Variants in GABRG2 observed in about 807,000 individuals in gnomAD.
GABRG2 encodes the protein gamma-aminobutyric acid receptor subunit gamma-2.
A neutral mutation model predicts 56.4 loss-of-function variants in GABRG2; 16 were observed. That is an observed-to-expected ratio of 0.28 (90% CI 0.19 to 0.43). The LOEUF (loss-of-function observed/expected upper bound fraction) is 0.43. Among genes scored for constraint, GABRG2 ranks in the 20% least tolerant of loss-of-function variants. The pLI is 1.00. For synonymous variants in GABRG2, 208 were observed against 205.5 expected (o/e 1.01, Z -0.10); for missense variants, 327 against 582.7 (o/e 0.56, Z 4.52).
chr5:162,080,093 C>T (rs1224933870), intron 1 of GABRG2, among the ~76,000 whole-genome samples: 2 of 152,112 alleles, frequency 1.3e-5, no homozygotes, highest in Non-Finnish European at 2.9e-5. Flanking sequence ...TGGACAAATT[C>T]CTTCCCGCCT....
intron 6 of GABRG2, among the ~76,000 whole-genome samples, chr5:162,137,093 C>A (rs552235123): frequency 1.3e-5 from 2 of 152,040 alleles, no homozygotes; most frequent in African/African-American, 4.8e-5. Flanking sequence ...TAGAAGTTTG[C>A]AACTGATTAA....
intron 1 of GABRG2, among the ~76,000 whole-genome samples, chr5:162,089,523 C>T (rs966934561): frequency 6.6e-6 from 1 of 151,856 alleles, no homozygotes; most frequent in East Asian, 1.9e-4. Flanking sequence ...TTTATTTTGA[C>T]GTATAAAATA....
At chr5:162,068,345 A>G (rs1252045796) in intron 1 of GABRG2, among the ~76,000 whole-genome samples, 1 of 151,930 alleles carries the variant, frequency 6.6e-6, no homozygotes, top group Non-Finnish European at 1.5e-5. Flanking sequence ...TAGAGTGGAA[A>G]AGGTAACCTC....
chr5:162,094,748 T>A (rs368996217), intron 2 of GABRG2: 10 of 152,288 alleles, frequency 6.6e-5, no homozygotes, highest in African/African-American at 2.4e-4. Flanking sequence ...CATGACACTT[T>A]CAAGGAAAAA....
chr5:162,140,842 A>G (rs1000913146), intron 6 of GABRG2, among the ~76,000 whole-genome samples: 1 of 152,168 alleles, frequency 6.6e-6, no homozygotes, highest in Non-Finnish European at 1.5e-5. Context: ...TTAAAATTTT[A>G]CTTGGGATGA....
intron 1 of GABRG2, among the ~76,000 whole-genome samples, chr5:162,071,291 A>G (rs72821315): frequency 0.025 from 3,785 of 151,534 alleles, 76 homozygotes; most frequent in Non-Finnish European, 0.041. Context: ...GGAAAAAAAT[A>G]TATAGAAAAA....
chr5:162,067,727 C>A, upstream of GABRG2: 3 of 609,600 alleles, frequency 4.9e-6, no homozygotes, highest in South Asian at 6.0e-5. Flanking sequence ...TCCTTGTACC[C>A]TCCCCCTGCC....
At chr5:162,153,055 A>G (rs1765487121) in intron 9 of GABRG2, 38 bp from the exon 10 acceptor site, 2 of 1,613,262 alleles carry the variant, frequency 1.2e-6, no homozygotes, top group Admixed American at 1.7e-5. Flanking sequence ...TCTCGAGAAC[A>G]ACTAACTGAT....
chr5:162,125,405 A>T (rs17060103), intron 6 of GABRG2, among the ~76,000 whole-genome samples: 15,752 of 143,612 alleles, frequency 0.11, 1,074 homozygotes, highest in Non-Finnish European at 0.14. Flanking sequence ...GAGTGTCTGG[A>T]TTCTAGTGGC....
chr5:162,127,175 A>G (rs1311035918), intron 6 of GABRG2, among the ~76,000 whole-genome samples: 1 of 151,990 alleles, frequency 6.6e-6, no homozygotes, highest in Non-Finnish European at 1.5e-5. Flanking sequence ...CTTGTTAAGA[A>G]TTTTTAAAGC....
rs202243166 is a variant in GABRG2 at position 162,149,359 on chromosome 5, G to A, written c.1128+46G>A. 3.7e-5 allele frequency: 59 copies of A among 1,588,206 alleles called. No homozygotes were observed. The African/African-American group carries it at 5.1e-4, about 14-fold the overall frequency. ...GCACCATTGAAATTTTTATGATTTC[G>A]GTTTAGTTTGTTTTCATTAGCCTAT... On this transcript the variant is annotated intron_variant, in intron 8 of 9. Transcript: ENST00000639213.
intron 4 of GABRG2, among the ~76,000 whole-genome samples, chr5:162,100,898 A>G (rs1332512169): frequency 6.6e-6 from 1 of 152,208 alleles, no homozygotes; most frequent in African/African-American, 2.4e-5. Context: ...TTCTTAAAAC[A>G]GTTGGCTCTG....
At chr5:162,110,999 G>A (rs1047498214) in intron 6 of GABRG2, among the ~76,000 whole-genome samples, 4 of 152,038 alleles carry the variant, frequency 2.6e-5, no homozygotes, top group Admixed American at 2.0e-4. Context: ...ATCTATAAAA[G>A]GAGTACATTT....
intron 8 of GABRG2, 92 bp downstream of exon 8, chr5:162,149,405 G>A: frequency 2.4e-6 from 3 of 1,237,040 alleles, no homozygotes; most frequent in Non-Finnish European, 3.5e-6. Context: ...AGGCTCAGCA[G>A]TTTGGGCTCC....
chr5:162,113,776 C>T (rs577233674), intron 6 of GABRG2, among the ~76,000 whole-genome samples: 7 of 152,194 alleles, frequency 4.6e-5, no homozygotes, highest in South Asian at 2.1e-4. Flanking sequence ...AACTGTGTAA[C>T]GGTTCCTTGT....
chr5:162,120,488 G>C (rs1478206359), intron 6 of GABRG2, among the ~76,000 whole-genome samples: 1 of 152,100 alleles, frequency 6.6e-6, no homozygotes, highest in Admixed American at 6.6e-5. Flanking sequence ...AGATATTAGA[G>C]AGTTGCAGTT....
chr5:162,075,599 C>T (rs936900233), intron 1 of GABRG2, among the ~76,000 whole-genome samples: 3 of 152,046 alleles, frequency 2.0e-5, no homozygotes, highest in African/African-American at 7.2e-5. Context: ...TCATAGCATG[C>T]CTAGCCTCTA....
intron 6 of GABRG2, among the ~76,000 whole-genome samples, chr5:162,135,248 G>A (rs1380538818): frequency 6.6e-6 from 1 of 151,906 alleles, no homozygotes; most frequent in African/African-American, 2.4e-5. Context: ...AAGCATTTAG[G>A]ATTGCTAACA....
chr5:162,121,490 G>T (rs1216718830), intron 6 of GABRG2, among the ~76,000 whole-genome samples: 1 of 151,938 alleles, frequency 6.6e-6, no homozygotes, highest in African/African-American at 2.4e-5. Context: ...GACAAAGTGT[G>T]CATTTTGTAG....
Sources: gnomAD v4.1 joint callset for allele counts (sites outside exome capture counted in the v4.1 genomes callset) on GRCh38, gnomAD v4.1.1 for gene constraint, MANE v1.5 for transcripts, NCBI Gene and HGNC (gene_info 2026-07-23, HGNC 2026-07-21) for gene names.